The following CARMIL1 variants were observed in gnomAD, a reference collection of about 807,000 sequenced individuals.
CARMIL1 encodes the protein F-actin-uncapping protein LRRC16A.
Under a neutral mutation model 177.1 loss-of-function variants are expected in CARMIL1, and 90 were observed. The ratio of observed to expected loss-of-function variants is 0.51; its 90% CI spans 0.43 to 0.61. CARMIL1 has a LOEUF of 0.61. Ranked by LOEUF, CARMIL1 falls within the 20% of genes least tolerant of loss-of-function variation. The pLI, the probability that CARMIL1 is intolerant of heterozygous loss-of-function variation, is 0.00. For missense variants in CARMIL1, 1,380 were observed against 1,667.0 expected, an observed-to-expected ratio of 0.83 and a Z score of 3.00; for synonymous variants, 577 against 606.2, an observed-to-expected ratio of 0.95 and a Z score of 0.71.
chr6:25,282,115 CAAAAAAAAA>C (rs55943273), intron 1 of CARMIL1, among the ~76,000 whole-genome samples: 2 of 81,794 alleles, frequency 2.4e-5, no homozygotes, highest in African/African-American at 4.9e-5. Flanking sequence ...AACTCCATCT[CAAAAAAAAA>C]AAAAAAAAAA....
intron 31 of CARMIL1, among the ~76,000 whole-genome samples, chr6:25,587,923 C>A (rs778506417): frequency 6.6e-6 from 1 of 151,976 alleles, no homozygotes; most frequent in Non-Finnish European, 1.5e-5. Context: ...TACAGTGAGC[C>A]CTCCATATCC....
chr6:25,469,894 C>A, intron 9 of CARMIL1, among the ~76,000 whole-genome samples: 1 of 152,014 alleles, frequency 6.6e-6, no homozygotes, highest in Non-Finnish European at 1.5e-5. Context: ...GGTCAAGAAC[C>A]ACTTTAAATT....
intron 26 of CARMIL1, among the ~76,000 whole-genome samples, chr6:25,541,913 C>T (rs1808952039): frequency 1.3e-5 from 2 of 152,204 alleles, no homozygotes; most frequent in South Asian, 4.1e-4. Context: ...CTTGCCTTTG[C>T]CTCCCAAAGT....
chr6:25,525,942 A>G (rs962708745), intron 23 of CARMIL1, among the ~76,000 whole-genome samples: 1 of 152,198 alleles, frequency 6.6e-6, no homozygotes, highest in Non-Finnish European at 1.5e-5. Context: ...AAACAGTTAC[A>G]AACATGGTAG....
At chr6:25,525,399 G>A (rs1179853344) in intron 23 of CARMIL1, among the ~76,000 whole-genome samples, 1 of 152,084 alleles carries the variant, frequency 6.6e-6, no homozygotes. Flanking sequence ...TCCTTCAAAA[G>A]TAATGGAGAA....
At chr6:25,539,584 C>T (rs1808685775) in intron 25 of CARMIL1, among the ~76,000 whole-genome samples, 2 of 136,776 alleles carry the variant, frequency 1.5e-5, no homozygotes. Flanking sequence ...GAGATCGCGC[C>T]ATTGCACTCC....
intron 2 of CARMIL1, among the ~76,000 whole-genome samples, chr6:25,348,062 T>C (rs1409267087): frequency 6.6e-6 from 1 of 152,214 alleles, no homozygotes. Context: ...GGCTCATTGA[T>C]ATAAACAACA....
At chr6:25,310,736 G>T (rs1783745737) in intron 2 of CARMIL1, among the ~76,000 whole-genome samples, 1 of 152,110 alleles carries the variant, frequency 6.6e-6, no homozygotes, top group Admixed American at 6.5e-5. Context: ...TCCTTTGAAA[G>T]CTTAAAGTTC....
At chr6:25,533,860 A>G (rs1002303530) in intron 24 of CARMIL1, among the ~76,000 whole-genome samples, 2 of 151,864 alleles carry the variant, frequency 1.3e-5, no homozygotes, top group African/African-American at 4.8e-5. Flanking sequence ...TTTTTTCAGC[A>G]TCTCCACCAC....
At chr6:25,365,989 A>G (rs1166677290) in intron 2 of CARMIL1, among the ~76,000 whole-genome samples, 1 of 151,970 alleles carries the variant, frequency 6.6e-6, no homozygotes, top group Non-Finnish European at 1.5e-5. Context: ...TTCAGTGTCC[A>G]TTTACGTATG....
chr6:25,526,076 G>A (rs1220073766), intron 23 of CARMIL1, among the ~76,000 whole-genome samples: 1 of 151,794 alleles, frequency 6.6e-6, no homozygotes, highest in Non-Finnish European at 1.5e-5. Context: ...TTGGGAGGCC[G>A]AGGCGGGCGG....
Position 25,610,195 on chromosome 6 carries a change from G to A in CARMIL1, c.3979+14G>A. ...TTTCACAGGAAGGTAAGGATTGTAA[G>A]GATTTCTTTTCTCTGGGTTAGCTCT... On this transcript the variant is annotated intron_variant, in intron 36 of 36. Coordinates refer to ENST00000329474, the MANE Select transcript of CARMIL1 (RefSeq NM_017640.6). 1.2e-6 allele frequency: 2 copies of A among 1,606,450 alleles called. 1 individual carries two copies. Among genetic ancestry groups the A allele is most frequent in the South Asian group, 2.2e-5 (2 of 89,404 alleles).
rs1355720764 is a variant in CARMIL1 at position 25,472,462 on chromosome 6, A to G, written c.815A>G (p.His272Arg). 7 of 1,583,058 alleles carry G rather than the reference A, an allele frequency of 4.4e-6. No homozygotes were observed. The highest frequency in any genetic ancestry group is 1.2e-5 in the South Asian group (1 of 85,904). The change falls in exon 11 of 37, where the codon CAT becomes CGT. Residue 272 changes from histidine to arginine, a missense_variant. Coordinates refer to ENST00000329474, the MANE Select transcript of CARMIL1 (RefSeq NM_017640.6). The stretch of plus-strand genomic sequence containing the variant: ...CAAAAACTGGCCAGTGCTCTAGCAC[A>G]TAATCCCAACTCAGGACTCCACACA... The part of the protein sequence containing the change: ...FAQKLASALA[H>R]NPNSGLHTIN...
intron 29 of CARMIL1, among the ~76,000 whole-genome samples, chr6:25,562,677 G>A (rs1038943666): frequency 6.6e-6 from 1 of 152,120 alleles, no homozygotes; most frequent in Non-Finnish European, 1.5e-5. Flanking sequence ...CTACACCTTT[G>A]CCCTGCAGGT....
chr6:25,297,777 G>C (rs982763730), intron 2 of CARMIL1, among the ~76,000 whole-genome samples: 10 of 152,190 alleles, frequency 6.6e-5, no homozygotes, highest in African/African-American at 1.9e-4. Context: ...ATGCAGGAAG[G>C]CTTCATGCTC....
intron 17 of CARMIL1, among the ~76,000 whole-genome samples, chr6:25,500,591 C>T (rs1804211084): frequency 6.6e-6 from 1 of 152,010 alleles, no homozygotes; most frequent in Non-Finnish European, 1.5e-5. Flanking sequence ...ATGTGTATAA[C>T]CTAACTTGGA....
chr6:25,283,865 C>T (rs1219257131), intron 1 of CARMIL1, among the ~76,000 whole-genome samples: 2 of 136,830 alleles, frequency 1.5e-5, no homozygotes, highest in African/African-American at 2.7e-5. Context: ...AGGCACGCAC[C>T]ACCACACCTG....
At chr6:25,425,087 A>T (rs758099158) in intron 3 of CARMIL1, among the ~76,000 whole-genome samples, 2 of 152,234 alleles carry the variant, frequency 1.3e-5, no homozygotes, top group Non-Finnish European at 2.9e-5. Context: ...TGATAATGAT[A>T]GGCAAGAAAA....
chr6:25,389,185 A>G (rs947556987), intron 2 of CARMIL1: 1 of 152,194 alleles, frequency 6.6e-6, no homozygotes, highest in African/African-American at 2.4e-5. Flanking sequence ...TAGAAAATGG[A>G]ATGGTTTTAA....
Sources: allele counts gnomAD v4.1 joint callset (sites outside exome capture counted in the v4.1 genomes callset), GRCh38; gene constraint gnomAD v4.1.1; transcripts MANE v1.5; gene names NCBI Gene and HGNC (gene_info 2026-07-23, HGNC 2026-07-21).